Variants in SYNE2 observed in about 807,000 individuals in gnomAD.
SYNE2 encodes the protein spectrin repeat containing nuclear envelope protein 2.
In SYNE2, 431 loss-of-function variants were observed where a neutral mutation model predicts 856.3. The observed-to-expected ratio is 0.50, with a 90% CI of 0.47 to 0.55. The LOEUF (loss-of-function observed/expected upper bound fraction) is 0.55, where lower values mean the gene tolerates loss of function less well. Among genes scored for constraint, SYNE2 ranks in the 20% least tolerant of loss-of-function variants. The pLI, the probability that SYNE2 is intolerant of heterozygous loss-of-function variation, is 0.00. For synonymous variants in SYNE2, 2,923 were observed against 2,872.3 expected (o/e 1.02, Z -0.56); for missense variants, 8,129 against 8,023.2 (o/e 1.01, Z -0.50).
At chr14:64,201,888 A>G (rs1423647345) in intron 99 of SYNE2, among the ~76,000 whole-genome samples, 2 of 152,254 alleles carry the variant, frequency 1.3e-5, no homozygotes, top group African/African-American at 4.8e-5. Flanking sequence ...CAAATCCCAC[A>G]GAACGCCAGG....
Position 63,982,639 on chromosome 14 carries a change from G to C in SYNE2, c.1846G>C (p.Glu616Gln), listed in dbSNP as rs1436762553. 1 of 1,613,558 alleles carries C rather than the reference G, an allele frequency of 6.2e-7. No individual in the cohort carries two copies. The highest frequency in any genetic ancestry group is 1.7e-5 in the Admixed American group (1 of 59,972). ...CTTGTGTATCATGTAGGTACCCTTTGAGACACTAGCCCAGTGGAATCTAGA... is the reference window on the plus strand; with the variant it reads ...CTTGTGTATCATGTAGGTACCCTTTCAGACACTAGCCCAGTGGAATCTAGA... ...KKEEIKEVPF[E>Q]TLAQWNLEHA... is the part of the protein sequence containing the mutation. Residue 616 changes from glutamate (E) to glutamine (Q), a missense_variant, in exon 17 of 116, where the codon GAG (glutamate) becomes CAG (glutamine). Transcript: ENST00000555002.
At position 64,065,416 on chromosome 14, in the gene SYNE2, T is replaced by TC. The variant is rs2097351534; in HGVS notation, c.10213-15dup. On this transcript the variant is annotated splice_polypyrimidine_tract_variant and intron_variant, in intron 50 of 115. Coordinates refer to ENST00000555002, the MANE Select transcript of SYNE2 (RefSeq NM_182914.3). The stretch of plus-strand genomic sequence containing the variant: ...AATAGTATGTCCCTCTTATTTTTTT[T>TC]CTTTTCTTTCTTAAGGCCTTGGTGT... The TC allele has an allele frequency of 6.2e-7, 1 of 1,611,408 alleles. No individual in the cohort carries two copies.
Position 63,961,572 on chromosome 14 carries a change from GCA to G in SYNE2, c.838_839del (p.Gln280ValfsTer43), listed in dbSNP as rs1183840252. The stretch of plus-strand genomic sequence containing the variant: ...TGAAAAGTCCATCATGACCTATGTG[GCA>G]CAGTTTCTGCAGTATTCCAAAGATG... ...PDEKSIMTYVAQFLQYSKDAP... is the reference protein window; with the variant it reads ...PDEKSIMTYVXQFLQYSKDAP... On this transcript the variant is annotated frameshift_variant, in exon 9 of 116. Coordinates refer to ENST00000555002, the MANE Select transcript of SYNE2 (RefSeq NM_182914.3). LOFTEE classifies it high-confidence loss of function. 1.9e-6 allele frequency: 3 copies of G among 1,614,054 alleles called. No homozygotes were observed. Among genetic ancestry groups the G allele is most frequent in the South Asian group, 2.2e-5 (2 of 91,068 alleles).
chr14:64,029,366 A>T (rs1391611744), intron 43 of SYNE2, among the ~76,000 whole-genome samples: 1 of 152,104 alleles, frequency 6.6e-6, no homozygotes, highest in South Asian at 2.1e-4. Flanking sequence ...AGCTGTGGTC[A>T]TTGTATTTTC....
chr14:63,896,528 G>T (rs532360062), intron 1 of SYNE2, among the ~76,000 whole-genome samples: 7 of 152,284 alleles, frequency 4.6e-5, no homozygotes, highest in African/African-American at 1.7e-4. Context: ...TAAATGCGTG[G>T]CGGAGAACTT....
intron 108 of SYNE2, chr14:64,218,156 A>G (rs1041532449): frequency 1.7e-5 from 8 of 471,108 alleles, no homozygotes; most frequent in South Asian, 1.6e-4. Context: ...TTTTCTTCCC[A>G]TCACTGACAT....
chr14:64,100,531 A>AAAAAAAAAT (rs1491537041), intron 63 of SYNE2, among the ~76,000 whole-genome samples: 2 of 39,480 alleles, frequency 5.1e-5, no homozygotes, highest in African/African-American at 1.8e-4. Flanking sequence ...AAAAAAAAAA[A>AAAAAAAAAT]ATATATATAT....
chr14:63,974,839 T>TGTGTGTGTGTAC (rs2096521419), intron 11 of SYNE2, among the ~76,000 whole-genome samples: 1 of 133,392 alleles, frequency 7.5e-6, no homozygotes, highest in Non-Finnish European at 1.6e-5. Flanking sequence ...TATAGACGTG[T>TGTGTGTGTGTAC]GTGTGTGTGT....
chr14:64,032,697 T>C (rs8011079), intron 45 of SYNE2, among the ~76,000 whole-genome samples: 19,357 of 151,950 alleles, frequency 0.13, 2,204 homozygotes, highest in African/African-American at 0.31. Flanking sequence ...CTCAGCCTCC[T>C]GAGTAGCTGG....
At chr14:63,869,017 A>G (rs145833353) in intron 1 of SYNE2, among the ~76,000 whole-genome samples, 2 of 152,358 alleles carry the variant, frequency 1.3e-5, no homozygotes, top group African/African-American at 4.8e-5. Context: ...AAAGGACATT[A>G]ACCTTCAAGC....
chr14:63,877,737 CTA>C (rs1342132844), intron 1 of SYNE2, among the ~76,000 whole-genome samples: 1 of 152,114 alleles, frequency 6.6e-6, no homozygotes, highest in African/African-American at 2.4e-5. Flanking sequence ...GATGTGTTCC[CTA>C]TGTGTGTGTT....
At chr14:64,088,145 T>C (rs893262267) in intron 58 of SYNE2, among the ~76,000 whole-genome samples, 5 of 152,196 alleles carry the variant, frequency 3.3e-5, no homozygotes, top group Non-Finnish European at 7.3e-5. Context: ...ATTGCGCCAC[T>C]GCACTCCAGC....
chr14:63,768,105 C>T (rs927266174), intron 1 of SYNE2, among the ~76,000 whole-genome samples: 11 of 151,654 alleles, frequency 7.3e-5, no homozygotes, highest in African/African-American at 2.2e-4. Flanking sequence ...GAGGTGGGAT[C>T]GCTTGAGCCT....
chr14:64,012,228 C>G (rs7158004), intron 32 of SYNE2, among the ~76,000 whole-genome samples: 14 of 152,222 alleles, frequency 9.2e-5, no homozygotes, highest in Non-Finnish European at 1.9e-4. Flanking sequence ...CTCGTCTCCT[C>G]CTAGACCAAG....
rs886050592 is a variant in SYNE2 at position 64,129,872 on chromosome 14, G to T, written c.14110G>T (p.Ala4704Ser). Residue 4704 changes from alanine to serine, a missense_variant, in exon 75 of 116, where the codon GCT (alanine) becomes TCT (serine). Ala to Ser is a moderately conservative substitution (Grantham distance 99). Transcript: ENST00000555002. ...AGGGGAGAGGCTTCATTTACCTTAT[G>T]CTTTACTCCAGGAGGTTTACAAATT... Reference protein sequence around the residue: ...DEGERLHLPYALLQEVYKLED... With the variant: ...DEGERLHLPYSLLQEVYKLED... 39 of 1,614,016 alleles carry T rather than the reference G, an allele frequency of 2.4e-5. No individual in the cohort carries two copies. The highest frequency in any genetic ancestry group is 3.3e-5 in the Non-Finnish European group (39 of 1,180,024).
intron 105 of SYNE2, 52 bp downstream of exon 105, chr14:64,213,057 G>A: frequency 1.3e-6 from 2 of 1,598,010 alleles, no homozygotes; most frequent in Non-Finnish European, 1.7e-6. Context: ...GAGTTTACGT[G>A]AGACCAAATT....
chr14:63,791,143 G>T (rs979723232), intron 1 of SYNE2, among the ~76,000 whole-genome samples: 3 of 151,912 alleles, frequency 2.0e-5, no homozygotes, highest in Admixed American at 1.3e-4. Flanking sequence ...TGTATTTTTA[G>T]TAGAGTCAGG....
At chr14:64,174,853 A>G in intron 94 of SYNE2, 91 bp from the exon 95 acceptor site, 2 of 1,230,114 alleles carry the variant, frequency 1.6e-6, no homozygotes, top group Non-Finnish European at 1.2e-6. Context: ...AACTCTTAAG[A>G]AAAGCTCTGA....
At chr14:63,793,025 CT>C (rs933869410) in intron 1 of SYNE2, among the ~76,000 whole-genome samples, 30 of 152,040 alleles carry the variant, frequency 2.0e-4, no homozygotes, top group African/African-American at 7.0e-4. Flanking sequence ...TATTATCATA[CT>C]TTTTTTAAAG....
Sources: allele counts gnomAD v4.1 joint callset (sites outside exome capture counted in the v4.1 genomes callset), GRCh38; gene constraint gnomAD v4.1.1; transcripts MANE v1.5; gene names NCBI Gene and HGNC (gene_info 2026-07-23, HGNC 2026-07-21).